SAR1B: variants seen among roughly 807,000 people sequenced by gnomAD.
SAR1B encodes small COPII coat GTPase SAR1B.
A neutral mutation model predicts 26.8 loss-of-function variants in SAR1B; 23 were observed. The ratio of observed to expected loss-of-function variants is 0.86; its 90% CI spans 0.62 to 1.22. SAR1B has a LOEUF of 1.22. SAR1B is among the 50% of genes most tolerant of loss of function. The pLI is 0.00. For synonymous variants in SAR1B, 65 were observed against 80.8 expected (o/e 0.80, Z 1.05); for missense variants, 196 against 232.8 (o/e 0.84, Z 1.03).
chr5:134,623,504 T>TAA (rs62986962), intron 2 of SAR1B, among the ~76,000 whole-genome samples: 132,882 of 137,964 alleles, frequency 0.96, 64,101 homozygotes, highest in East Asian at 0.99. Flanking sequence ...TCTATAAAAT[T>TAA]AAAAAAAAAA....
intron 3 of SAR1B, among the ~76,000 whole-genome samples, chr5:134,619,184 A>G (rs1005193754): frequency 6.6e-6 from 1 of 150,478 alleles, no homozygotes; most frequent in Non-Finnish European, 1.5e-5. Context: ...ACAAAACATT[A>G]GCTGGGTGTG....
intron 1 of SAR1B, among the ~76,000 whole-genome samples, chr5:134,628,106 T>C (rs1765530702): frequency 6.6e-6 from 1 of 151,496 alleles, no homozygotes; most frequent in Non-Finnish European, 1.5e-5. Context: ...GCCACTGCAC[T>C]GCACTCCAGC....
At chr5:134,620,166 C>T (rs1190260079) in intron 3 of SAR1B, among the ~76,000 whole-genome samples, 1 of 151,806 alleles carries the variant, frequency 6.6e-6, no homozygotes, top group Admixed American at 6.6e-5. Flanking sequence ...ATTAGCCGGG[C>T]GTGGTGGTGG....
chr5:134,612,540 G>A (rs1490292805), intron 4 of SAR1B, 151 bp downstream of exon 4: 3 of 687,830 alleles, frequency 4.4e-6, no homozygotes, highest in Non-Finnish European at 6.7e-6. Flanking sequence ...AGCTATTGGG[G>A]AGGCTGAGGC....
chr5:134,609,743 T>C (rs1165651876), intron 4 of SAR1B, 69 bp from the exon 5 acceptor site: 2 of 1,158,928 alleles, frequency 1.7e-6, no homozygotes, highest in Non-Finnish European at 2.6e-6. Flanking sequence ...AAGCAAAGAG[T>C]CCAACCAGAT....
At chr5:134,615,083 T>G (rs1332355931) in intron 3 of SAR1B, among the ~76,000 whole-genome samples, 2 of 152,148 alleles carry the variant, frequency 1.3e-5, no homozygotes, top group African/African-American at 4.8e-5. Flanking sequence ...GCGCGGTGGC[T>G]CACGCCTGTA....
In SAR1B at chr5:134,612,766, A is replaced by G. The variant is rs762056338; in HGVS notation, c.179-10T>C. 7 of 1,576,202 alleles carry G rather than the reference A, an allele frequency of 4.4e-6. No individual in the cohort carries two copies. The South Asian group carries it at 6.9e-5, about 15-fold the overall frequency. ...GTCAGTTCTTCGGAAGCTAAATAAG[A>G]TTTTAAAATATTTTTACATGAAAAT... On this transcript the variant is annotated splice_polypyrimidine_tract_variant and intron_variant, in intron 3 of 6. Coordinates refer to ENST00000402673, the MANE Select transcript of SAR1B (RefSeq NM_016103.4).
At chr5:134,630,433 G>A (rs1765581207) in intron 1 of SAR1B, among the ~76,000 whole-genome samples, 1 of 138,054 alleles carries the variant, frequency 7.2e-6, no homozygotes, top group Non-Finnish European at 1.5e-5. Context: ...TCCAGCCTGG[G>A]CAACAAGAGC....
chr5:134,610,883 CT>C lies in SAR1B; in HGVS notation c.245-1210del, dbSNP rs774142378. ...CACTGACTTGAGTTTTATGACATACCTTTTTTTTTTTTTTTTAAAGAGACAG... is the reference window on the plus strand; with the variant it reads ...CACTGACTTGAGTTTTATGACATACCTTTTTTTTTTTTTTTAAAGAGACAG... On this transcript the variant is annotated intron_variant, in intron 4 of 6. Transcript: ENST00000402673. 7.5e-3 allele frequency among the ~76,000 whole-genome samples: 1,060 copies of C among 141,344 alleles called. 3 individuals are homozygous for C. The highest frequency in any genetic ancestry group is 0.013 in the African/African-American group (521 of 38,758). The allele number at this position is 141,344 out of a possible 152,430, so 92.7% of individuals were successfully genotyped here. A position where few individuals can be genotyped will look rare whatever the true frequency, so the allele number is the denominator to read the frequency against.
At chr5:134,626,855 G>A (rs1357666949) in intron 1 of SAR1B, among the ~76,000 whole-genome samples, 1 of 152,032 alleles carries the variant, frequency 6.6e-6, no homozygotes, top group Admixed American at 6.6e-5. Context: ...CACATGTTCT[G>A]GAATTAGATA....
At chr5:134,610,188 C>T (rs1027585526) in intron 4 of SAR1B, among the ~76,000 whole-genome samples, 5 of 151,690 alleles carry the variant, frequency 3.3e-5, no homozygotes, top group African/African-American at 7.3e-5. Context: ...ATAATAAGGC[C>T]GGGTGTGGTG....
intron 2 of SAR1B, among the ~76,000 whole-genome samples, chr5:134,623,160 G>C (rs921798902): frequency 3.3e-5 from 5 of 151,410 alleles, no homozygotes; most frequent in Admixed American, 1.3e-4. Context: ...CTGTAGCAAG[G>C]CTGGGCACAG....
At chr5:134,629,769 C>T (rs963320762) in intron 1 of SAR1B, among the ~76,000 whole-genome samples, 2 of 151,248 alleles carry the variant, frequency 1.3e-5, no homozygotes, top group African/African-American at 4.9e-5. Context: ...ACCTGTAGTT[C>T]CATCTACTCA....
chr5:134,629,310 G>C (rs1279158986), intron 1 of SAR1B, among the ~76,000 whole-genome samples: 1 of 152,048 alleles, frequency 6.6e-6, no homozygotes, highest in African/African-American at 2.4e-5. Context: ...TGTAATCCCA[G>C]CACTTTGGGA....
rs554803461 is a variant in SAR1B at position 134,603,197 on chromosome 5, T to C, written c.*3753A>G. On this transcript the variant is annotated 3_prime_UTR_variant, in exon 7 of 7. Transcript: ENST00000402673. ...TTATGTAGCTATTCTCAGTGCACTC[T>C]GGTCAAATTTTACTTGGCAATAAAT... 6.6e-6 allele frequency: 1 copy of C among 152,344 alleles called. No homozygotes were observed. Among genetic ancestry groups the C allele is most frequent in the African/African-American group, 2.4e-5 (1 of 41,592 alleles). The allele number at this position is 152,344 out of a possible 1,614,324, so 9.4% of individuals were successfully genotyped here. A position where few individuals can be genotyped will look rare whatever the true frequency, so the allele number is the denominator to read the frequency against.
Position 134,612,758 on chromosome 5 carries a change from T to G in SAR1B, c.179-2A>C. ...CAGCAATGGTCAGTTCTTCGGAAGCTAAATAAGATTTTAAAATATTTTTAC... is the reference window on the plus strand; with the variant it reads ...CAGCAATGGTCAGTTCTTCGGAAGCGAAATAAGATTTTAAAATATTTTTAC... On this transcript the variant is annotated splice_acceptor_variant, in intron 3 of 6. Coordinates refer to ENST00000402673, the MANE Select transcript of SAR1B (RefSeq NM_016103.4). LOFTEE classifies it high-confidence loss of function. 1 of 1,508,950 alleles carries G rather than the reference T, an allele frequency of 6.6e-7. No individual in the cohort carries two copies. 93.5% of individuals were successfully genotyped at this position (1,508,950 alleles called of 1,614,324 possible).
rs1765453045 is a variant in SAR1B at position 134,623,890 on chromosome 5, T to C, written c.58+72A>G. 6 of 1,014,634 alleles carry C rather than the reference T, an allele frequency of 5.9e-6. No homozygotes were observed. In the Admixed American group the frequency reaches 1.0e-4, roughly 17 times the overall value. 62.9% of individuals were successfully genotyped at this position (1,014,634 alleles called of 1,614,324 possible). On this transcript the variant is annotated intron_variant, in intron 2 of 6. Coordinates refer to ENST00000402673, the MANE Select transcript of SAR1B (RefSeq NM_016103.4). ...CTACTGGCTTATCTATAAAGAGACT[T>C]GACACAGATAAGCACTATTAAATAA...
intron 3 of SAR1B, among the ~76,000 whole-genome samples, chr5:134,619,392 T>A (rs1765367069): frequency 6.6e-6 from 1 of 151,432 alleles, no homozygotes; most frequent in Non-Finnish European, 1.5e-5. Context: ...AGGGTCTCAC[T>A]CTGTTGCCCA....
At chr5:134,630,619 C>T (rs531142512) in intron 1 of SAR1B, among the ~76,000 whole-genome samples, 7 of 150,566 alleles carry the variant, frequency 4.6e-5, no homozygotes, top group Admixed American at 1.3e-4. Flanking sequence ...CCCATCTCTA[C>T]TAAAAATACA....
Sources: allele counts gnomAD v4.1 joint callset (sites outside exome capture counted in the v4.1 genomes callset), GRCh38; gene constraint gnomAD v4.1.1; transcripts MANE v1.5; gene names NCBI Gene and HGNC (gene_info 2026-07-23, HGNC 2026-07-21).